The following MCF2L variants were observed in gnomAD, a reference collection of about 807,000 sequenced individuals.
MCF2L encodes MCF.2 cell line derived transforming sequence like.
MCF2L carries 97 observed loss-of-function variants against 153.4 expected under a neutral mutation model. The observed-to-expected ratio is 0.63, with a 90% CI of 0.54 to 0.75. The LOEUF (loss-of-function observed/expected upper bound fraction) is 0.75. Ranked by LOEUF, MCF2L falls within the 30% of genes least tolerant of loss-of-function variation. The pLI, the probability that MCF2L is intolerant of heterozygous loss-of-function variation, is 0.00. For synonymous variants in MCF2L, 659 were observed against 632.2 expected (o/e 1.04, Z -0.64); for missense variants, 1,347 against 1,495.2 (o/e 0.90, Z 1.64).
chr13:112,920,745 G>A (rs963900776), intron 2 of MCF2L, among the ~76,000 whole-genome samples: 8 of 151,862 alleles, frequency 5.3e-5, no homozygotes, highest in Admixed American at 2.6e-4. Context: ...GGGAGGACCC[G>A]ACCGAGCTCT....
rs1263357448 is a variant in MCF2L at position 113,077,178 on chromosome 13, G to A, written c.1627G>A (p.Glu543Lys). ...CGTGCAGCCGGTGGCCCCCAGACCC[G>A]AGGCACTGGCAAAGTCGCCCTGCCC... ...RPVQPVAPRP[E>K]ALAKSPCPSP... Residue 543 changes from glutamate to lysine, a missense_variant, in exon 13 of 30, where the codon GAG (glutamate) becomes AAG (lysine). By Grantham distance (56) the Glu-to-Lys change is moderately conservative. This residue lies in a region of MCF2L where 820 missense variants were observed against 921.2 expected (regional missense o/e 0.89). Coordinates refer to ENST00000535094, the MANE Select transcript of MCF2L (RefSeq NM_001112732.3). The A allele has an allele frequency of 2.5e-6, 4 of 1,604,438 alleles. No homozygotes were observed. The highest frequency in any genetic ancestry group is 3.4e-6 in the Non-Finnish European group (4 of 1,175,286).
At chr13:113,032,895 C>T (rs960022092) in intron 3 of MCF2L, among the ~76,000 whole-genome samples, 4 of 152,222 alleles carry the variant, frequency 2.6e-5, no homozygotes, top group African/African-American at 9.6e-5. Flanking sequence ...GGCTTCCTGG[C>T]CCCTGTGATG....
At chr13:113,087,887 G>T in intron 23 of MCF2L, 88 bp downstream of exon 23, 1 of 1,173,956 alleles carries the variant, frequency 8.5e-7, no homozygotes, top group Non-Finnish European at 1.3e-6. Flanking sequence ...CCATGAAGTT[G>T]CATCGAGCCC....
At chr13:112,935,432 T>C (rs993426933) in intron 2 of MCF2L, among the ~76,000 whole-genome samples, 5 of 152,116 alleles carry the variant, frequency 3.3e-5, no homozygotes, top group Non-Finnish European at 7.4e-5. Flanking sequence ...TAATTTTGTA[T>C]TTTTAGTAGA....
rs2081691402 is a variant in MCF2L at position 112,951,356 on chromosome 13, T to C, written c.169+48985T>C. ...ACCCAGCAATTGCACTCCTGGGAAT[T>C]TATCCCAGAGAAATCAAAATTTATG... On this transcript the variant is annotated intron_variant, in intron 2 of 29. Coordinates refer to the MCF2L transcript ENST00000375608. This position sits in a 1 kb window ranked among gnomAD's most constrained non-coding sequence, Gnocchi z 4.8. Among the ~76,000 whole-genome samples the C allele has an allele frequency of 6.6e-6, 1 of 152,196 alleles. No individual in the cohort carries two copies. Among genetic ancestry groups the C allele is most frequent in the Admixed American group, 6.5e-5 (1 of 15,288 alleles).
intron 1 of MCF2L, among the ~76,000 whole-genome samples, chr13:112,986,226 C>G (rs892215839): frequency 6.7e-6 from 1 of 150,176 alleles, no homozygotes; most frequent in Non-Finnish European, 1.5e-5. Flanking sequence ...GATGGGGCCG[C>G]GGCCGGATGC....
At chr13:113,023,029 A>T (rs1485356842) in intron 2 of MCF2L, among the ~76,000 whole-genome samples, 1 of 152,266 alleles carries the variant, frequency 6.6e-6, no homozygotes, top group Non-Finnish European at 1.5e-5. Flanking sequence ...AGAAGTCATC[A>T]GAGCACAATG....
chr13:113,082,907 G>A (rs749133652), intron 17 of MCF2L, among the ~76,000 whole-genome samples: 3 of 152,194 alleles, frequency 2.0e-5, no homozygotes, highest in Non-Finnish European at 4.4e-5. Flanking sequence ...CCTCCCAGGT[G>A]TGTATTCGGC....
intron 1 of MCF2L, among the ~76,000 whole-genome samples, chr13:112,971,376 C>G (rs1382173224): frequency 6.6e-6 from 1 of 152,122 alleles, no homozygotes; most frequent in East Asian, 1.9e-4. Context: ...AGGATCCGTG[C>G]CAGGTAAAAG....
At chr13:112,950,158 A>AG (rs1228066524) in intron 2 of MCF2L, among the ~76,000 whole-genome samples, 1 of 151,974 alleles carries the variant, frequency 6.6e-6, no homozygotes, top group Non-Finnish European at 1.5e-5. Flanking sequence ...AATTACAAAA[A>AG]AAAACCACTT....
chr13:113,078,227 G>A (rs543554042), intron 13 of MCF2L, 136 bp from the exon 14 acceptor site: 1 of 707,780 alleles, frequency 1.4e-6, no homozygotes, highest in African/African-American at 1.8e-5. Flanking sequence ...CAGAGGCCAA[G>A]TCCTGCCCAC....
Position 113,086,240 on chromosome 13 carries a change from C to A in MCF2L, c.2364C>A (p.Thr788=), listed in dbSNP as rs137978862. The change falls in exon 21 of 30, where the codon ACC becomes ACA. Residue 788 remains threonine (T), a synonymous_variant. Transcript: ENST00000535094. ...ACTCCATGCACCTCATCGCTATCAC[C>A]GGCTATGACGTAAGGCGCCCAGATG... ...VNDSMHLIAI[T]GYDGNLGDLG... The A allele has an allele frequency of 6.2e-7, 1 of 1,609,506 alleles. No individual in the cohort carries two copies. The highest frequency in any genetic ancestry group is 1.3e-5 in the African/African-American group (1 of 74,626).
chr13:113,045,423 G>C lies in MCF2L; in HGVS notation c.369+62G>C, dbSNP rs1312185215. 6 of 1,324,972 alleles carry C rather than the reference G, an allele frequency of 4.5e-6. No individual in the cohort carries two copies. In the South Asian group the frequency reaches 7.1e-5, roughly 16 times the overall value. 82.1% of individuals were successfully genotyped at this position (1,324,972 alleles called of 1,614,324 possible). ...CCTCCCTGGGCTGCATGACCGCATG[G>C]TGCCCTTCCTCTGTGTCTGCCGCAG... On this transcript the variant is annotated intron_variant, in intron 4 of 29. Transcript: ENST00000535094. The surrounding 1 kb of genome is among the most constrained non-coding windows in gnomAD (Gnocchi z 4.2).
chr13:112,974,751 T>C (rs192679486), intron 1 of MCF2L, among the ~76,000 whole-genome samples: 2 of 152,174 alleles, frequency 1.3e-5, no homozygotes, highest in East Asian at 3.9e-4. Flanking sequence ...CAATCAGAAG[T>C]TCTCCAGGCT....
At chr13:113,011,768 C>T (rs1438024815) in intron 1 of MCF2L, among the ~76,000 whole-genome samples, 2 of 115,114 alleles carry the variant, frequency 1.7e-5, no homozygotes, top group African/African-American at 6.6e-5. Context: ...GGTGGACAGG[C>T]GGTGTGGACG....
intron 2 of MCF2L, among the ~76,000 whole-genome samples, chr13:112,948,316 G>T (rs775913982): frequency 9.7e-4 from 148 of 152,290 alleles, no homozygotes; most frequent in Non-Finnish European, 7.5e-4. Flanking sequence ...GCCAAGCTGA[G>T]AATTTTTAAA....
intron 9 of MCF2L, among the ~76,000 whole-genome samples, chr13:113,071,506 T>C (rs2032915497): frequency 1.3e-5 from 2 of 152,220 alleles, no homozygotes; most frequent in African/African-American, 4.8e-5. Context: ...TCAAATTTCA[T>C]AGTTTTACAT....
At chr13:112,903,910 T>C (rs967731503) in intron 2 of MCF2L, among the ~76,000 whole-genome samples, 8 of 152,172 alleles carry the variant, frequency 5.3e-5, no homozygotes, top group African/African-American at 1.9e-4. Context: ...TTAGCTGTTG[T>C]GCAGGGGGCT....
intron 16 of MCF2L, 84 bp from the exon 17 acceptor site, chr13:113,082,343 C>G: frequency 1.3e-6 from 1 of 789,738 alleles, no homozygotes; most frequent in Non-Finnish European, 2.3e-6. Context: ...GCCTGGCCCA[C>G]AGATGAGCCG....
Sources: gnomAD v4.1 joint callset for allele counts (sites outside exome capture counted in the v4.1 genomes callset) on GRCh38, gnomAD v4.1.1 for gene constraint, gnomAD v4.1.1 regional missense constraint, Gnocchi (gnomAD v3.1) non-coding constraint, MANE v1.5 for transcripts, NCBI Gene and HGNC (gene_info 2026-07-23, HGNC 2026-07-21) for gene names.